ADAMTS2: variants seen among roughly 807,000 people sequenced by gnomAD.
ADAMTS2 encodes the protein ADAM metallopeptidase with thrombospondin type 1 motif 2.
Under a neutral mutation model 123.0 loss-of-function variants are expected in ADAMTS2, and 50 were observed. That is an observed-to-expected ratio of 0.41 (90% CI 0.32 to 0.51). ADAMTS2 has a LOEUF of 0.51. Among genes scored for constraint, ADAMTS2 ranks in the 20% least tolerant of loss-of-function variants. The pLI is 0.35. For synonymous variants in ADAMTS2, 678 were observed against 695.4 expected (o/e 0.98, Z 0.39); for missense variants, 1,494 against 1,705.2 (o/e 0.88, Z 2.18).
chr5:179,133,603 T>C (rs907306194), intron 13 of ADAMTS2, among the ~76,000 whole-genome samples: 2 of 152,094 alleles, frequency 1.3e-5, no homozygotes, highest in East Asian at 3.9e-4. Context: ...CAGAATCCAG[T>C]TGGATATTAT....
At chr5:179,324,102 T>C (rs146534331) in intron 2 of ADAMTS2, among the ~76,000 whole-genome samples, 23 of 152,304 alleles carry the variant, frequency 1.5e-4, no homozygotes, top group Non-Finnish European at 1.5e-4. Context: ...GGCAAATCTA[T>C]ACAGGCAGAA....
In ADAMTS2 at chr5:179,122,679, TC is replaced by T; in HGVS notation, c.3052del (p.Glu1018ArgfsTer24). Reference protein sequence around the residue: ...SFGICQEERPETARTCRLGPC... With the variant: ...SFGICQEERPXTARTCRLGPC... ...GCCAAGCCTGCAGGTCCTCGCTGTCTCAGGACGCTCCTCCTGGCAGATGCCG... is the reference window on the plus strand; with the variant it reads ...GCCAAGCCTGCAGGTCCTCGCTGTCTAGGACGCTCCTCCTGGCAGATGCCG... On this transcript the variant is annotated frameshift_variant, in exon 20 of 22. Coordinates refer to ENST00000251582, the MANE Select transcript of ADAMTS2 (RefSeq NM_014244.5). LOFTEE classifies it high-confidence loss of function. 1 of 1,551,428 alleles carries T rather than the reference TC, an allele frequency of 6.4e-7. No individual in the cohort carries two copies. The highest frequency in any genetic ancestry group is 8.7e-7 in the Non-Finnish European group (1 of 1,147,504).
chr5:179,208,048 T>C (rs1764750335), intron 3 of ADAMTS2, among the ~76,000 whole-genome samples: 1 of 105,988 alleles, frequency 9.4e-6, no homozygotes, highest in Non-Finnish European at 1.8e-5. Context: ...CAGCCCAGCA[T>C]CACCGTCTGC....
At position 179,197,533 on chromosome 5, in the gene ADAMTS2, C is replaced by T. The variant is rs781418553; in HGVS notation, c.891+9980G>A. On this transcript the variant is annotated intron_variant, in intron 4 of 21. Transcript: ENST00000251582. The surrounding 1 kb of genome is among the most constrained non-coding windows in gnomAD (Gnocchi z 4.2). ...ATCACTTAAGCCCAGGTGATTGAGTCCACCATGCAGCATAGCATGAACCTG... is the reference window on the plus strand; with the variant it reads ...ATCACTTAAGCCCAGGTGATTGAGTTCACCATGCAGCATAGCATGAACCTG... Among the ~76,000 whole-genome samples, 3 of 152,078 alleles carry T rather than the reference C, an allele frequency of 2.0e-5. No homozygotes were observed. Among genetic ancestry groups the T allele is most frequent in the Non-Finnish European group, 4.4e-5 (3 of 68,016 alleles).
rs1581295388 is a variant in ADAMTS2, at chr5:179,340,677, G to C, written c.534+3090C>G. Among the ~76,000 whole-genome samples the C allele has an allele frequency of 2.0e-5, 3 of 152,320 alleles. No individual in the cohort carries two copies. The East Asian group carries it at 5.8e-4, about 29-fold the overall frequency. ...GTTTATTCATCTGTAGAAGGGGGAT[G>C]ATGTCGGGATATGTTCCGTAGGGTG... On this transcript the variant is annotated intron_variant, in intron 2 of 21. Transcript: ENST00000251582.
chr5:179,264,276 G>A (rs1048214110), intron 3 of ADAMTS2, among the ~76,000 whole-genome samples: 10 of 152,142 alleles, frequency 6.6e-5, no homozygotes, highest in East Asian at 1.9e-4. Flanking sequence ...CTCTTTCACC[G>A]TCATCCATGG....
chr5:179,125,923 C>T, intron 18 of ADAMTS2, 75 bp downstream of exon 18: 1 of 1,596,758 alleles, frequency 6.3e-7, no homozygotes, highest in Non-Finnish European at 8.5e-7. Context: ...CCAGGCCCCA[C>T]ACCTCCAAGC....
intron 2 of ADAMTS2, among the ~76,000 whole-genome samples, chr5:179,325,761 C>T (rs1002538117): frequency 1.3e-5 from 2 of 152,268 alleles, no homozygotes; most frequent in Admixed American, 6.5e-5. Context: ...TGGGCTGCCG[C>T]CCTGAGCCCC....
In ADAMTS2 at chr5:179,128,084, G is replaced by A. The variant is rs7705437; in HGVS notation, c.2492C>T (p.Thr831Met). ...IPVGDTRVSL[T>M]YKYMIHEDSL... ...GTCCTCATGGATCATGTATTTGTAC[G>A]TCAGTGAGACCCGGGTGTCTCCCAC... is the stretch of plus-strand genomic sequence containing the variant. Residue 831 changes from threonine to methionine, a missense_variant, in exon 17 of 22, where the codon ACG (threonine) becomes ATG (methionine). Transcript: ENST00000251582. The surrounding 1 kb of genome is among the most constrained non-coding windows in gnomAD (Gnocchi z 4.9). The A allele has an allele frequency of 2.1e-5, 34 of 1,613,742 alleles. No individual in the cohort carries two copies. The highest frequency in any genetic ancestry group is 1.6e-4 in the African/African-American group (12 of 74,892).
At chr5:179,212,429 G>A (rs1448694438) in intron 3 of ADAMTS2, among the ~76,000 whole-genome samples, 1 of 150,274 alleles carries the variant, frequency 6.7e-6, no homozygotes, top group African/African-American at 2.5e-5. Flanking sequence ...CAGGTGCAGT[G>A]GGCAGGCGTG....
intron 2 of ADAMTS2, among the ~76,000 whole-genome samples, chr5:179,328,440 G>A (rs1272435693): frequency 1.3e-5 from 2 of 152,240 alleles, no homozygotes; most frequent in Admixed American, 1.3e-4. Context: ...CAGGTCATTG[G>A]GAGCAAAGGA....
Position 179,322,081 on chromosome 5 carries a change from C to G in ADAMTS2, c.534+21686G>C, listed in dbSNP as rs34750498. Among the ~76,000 whole-genome samples, 1,410 of 152,324 alleles carry G rather than the reference C, an allele frequency of 9.3e-3. 13 individuals are homozygous for G. The highest frequency in any genetic ancestry group is 0.041 in the Middle Eastern group (12 of 294). ...CACATATGTGCATGGACGTGGGAGA[C>G]ACACAAAAATGTTGAAAGCTAATGG... On this transcript the variant is annotated intron_variant, in intron 2 of 21. Transcript: ENST00000251582.
chr5:179,207,475 TCCCCGCCCC>T, intron 4 of ADAMTS2, 29 bp downstream of exon 4: 1 of 588,618 alleles, frequency 1.7e-6, no homozygotes, highest in African/African-American at 2.0e-5. Flanking sequence ...TGGTTGACCC[TCCCCGCCCC>T]ACCCTGCCCC....
intron 3 of ADAMTS2, among the ~76,000 whole-genome samples, chr5:179,269,455 CGA>C (rs969353705): frequency 7.9e-5 from 12 of 151,880 alleles, no homozygotes; most frequent in African/African-American, 9.7e-5. Context: ...TGGCAGCAGC[CGA>C]GAGAGAGAGA....
At chr5:179,166,714 G>A (rs1468907555) in intron 5 of ADAMTS2, among the ~76,000 whole-genome samples, 1 of 152,228 alleles carries the variant, frequency 6.6e-6, no homozygotes, top group Non-Finnish European at 1.5e-5. Context: ...GCCAGATGGG[G>A]CACCTACTGG....
intron 9 of ADAMTS2, among the ~76,000 whole-genome samples, chr5:179,152,642 C>T (rs1477758026): frequency 6.6e-6 from 1 of 152,208 alleles, no homozygotes; most frequent in African/African-American, 2.4e-5. Context: ...GCAGCCTCGG[C>T]CTCCCCTGGA....
At position 179,132,100 on chromosome 5, in the gene ADAMTS2, G is replaced by T; in HGVS notation, c.2290+130C>A. 1.1e-6 allele frequency: 1 copy of T among 875,044 alleles called. No homozygotes were observed. The highest frequency in any genetic ancestry group is 1.8e-6 in the Non-Finnish European group (1 of 540,560). The allele number at this position is 875,044 out of a possible 1,614,324, so 54.2% of individuals were successfully genotyped here. On this transcript the variant is annotated intron_variant, in intron 15 of 21. Coordinates refer to ENST00000251582, the MANE Select transcript of ADAMTS2 (RefSeq NM_014244.5). The surrounding 1 kb of genome is among the most constrained non-coding windows in gnomAD (Gnocchi z 6.1). ...GGGCTGAGCAGAGGGACAGGTTGGG[G>T]AGGGGCTGCCCTGGCTCAGGTCATG...
rs563742467 is a variant in ADAMTS2, at chr5:179,303,415, C to T, written c.535-30351G>A. On this transcript the variant is annotated intron_variant, in intron 2 of 21. Transcript: ENST00000251582. The surrounding 1 kb of genome is among the most constrained non-coding windows in gnomAD (Gnocchi z 4.7). ...GCTGAGGACCCTGCAAAATAAATAA[C>T]AGCATGCAGATTGGGGAAGAAGACT... is the stretch of plus-strand genomic sequence containing the variant. 6.6e-6 allele frequency among the ~76,000 whole-genome samples: 1 copy of T among 152,266 alleles called. No individual in the cohort carries two copies. Among genetic ancestry groups the T allele is most frequent in the South Asian group, 2.1e-4 (1 of 4,828 alleles).
intron 2 of ADAMTS2, among the ~76,000 whole-genome samples, chr5:179,310,182 T>C (rs1273756320): frequency 6.6e-6 from 1 of 152,244 alleles, no homozygotes; most frequent in East Asian, 1.9e-4. Context: ...GCTCAGGCGC[T>C]GAGATGCTCT....
Sources: allele counts gnomAD v4.1 joint callset (sites outside exome capture counted in the v4.1 genomes callset), GRCh38; gene constraint gnomAD v4.1.1; non-coding constraint Gnocchi (gnomAD v3.1); transcripts MANE v1.5; gene names NCBI Gene and HGNC (gene_info 2026-07-23, HGNC 2026-07-21).